Variants in KCNC2 observed in about 807,000 individuals in gnomAD.
KCNC2 encodes potassium voltage-gated channel subfamily C member 2, also known as voltage-gated potassium channel KCNC2.
KCNC2 carries 21 observed loss-of-function variants against 44.5 expected under a neutral mutation model. The ratio of observed to expected loss-of-function variants is 0.47; its 90% confidence interval spans 0.33 to 0.68. The LOEUF is 0.68. Ranked by LOEUF, KCNC2 falls within the 30% of genes least tolerant of loss-of-function variation. KCNC2 has a pLI of 0.01. For synonymous variants in KCNC2, 391 were observed against 339.1 expected (o/e 1.15, Z -1.68); for missense variants, 589 against 826.2 (o/e 0.71, Z 3.52).
At chr12:75,132,639 G>C (rs541887706) in intron 2 of KCNC2, among the ~76,000 whole-genome samples, 83 of 152,122 alleles carry the variant, frequency 5.5e-4, no homozygotes, top group African/African-American at 1.9e-3. Flanking sequence ...TCCTTCTTTG[G>C]CTTTCTCTAG....
intron 2 of KCNC2, among the ~76,000 whole-genome samples, chr12:75,081,238 T>A (rs1406082820): frequency 6.6e-6 from 1 of 152,076 alleles, no homozygotes; most frequent in African/African-American, 2.4e-5. Flanking sequence ...AGTTTATATA[T>A]CAGGGCTCTG....
intron 2 of KCNC2, among the ~76,000 whole-genome samples, chr12:75,173,635 T>G (rs1891983304): frequency 6.6e-6 from 1 of 151,914 alleles, no homozygotes; most frequent in African/African-American, 2.4e-5. Flanking sequence ...TAATTACATG[T>G]CCTTTTGGAA....
chr12:75,175,656 C>G (rs983660884), intron 2 of KCNC2, among the ~76,000 whole-genome samples: 1 of 152,012 alleles, frequency 6.6e-6, no homozygotes, highest in African/African-American at 2.4e-5. Flanking sequence ...AAGTTTGAAA[C>G]AGTAGTCTCT....
intron 2 of KCNC2, among the ~76,000 whole-genome samples, chr12:75,054,314 G>A (rs1057007661): frequency 6.6e-6 from 1 of 151,544 alleles, no homozygotes; most frequent in African/African-American, 2.4e-5. Context: ...TCTAATCTTA[G>A]GATAATAATC....
chr12:75,182,574 C>T (rs903545370), intron 2 of KCNC2, among the ~76,000 whole-genome samples: 4 of 150,020 alleles, frequency 2.7e-5, no homozygotes, highest in Non-Finnish European at 5.9e-5. Context: ...AAAGCACTGA[C>T]TGACTCTATG....
At chr12:75,174,882 T>C (rs1892075083) in intron 2 of KCNC2, among the ~76,000 whole-genome samples, 1 of 151,954 alleles carries the variant, frequency 6.6e-6, no homozygotes, top group South Asian at 2.1e-4. Flanking sequence ...TCTATTTATC[T>C]GACATGGTTG....
chr12:75,040,830 C>T lies in KCNC2; in HGVS notation c.*2275G>A, dbSNP rs1879816881. On this transcript the variant is annotated 3_prime_UTR_variant, in exon 5 of 5. Transcript: ENST00000549446. ...ATTCACAGCACAACCTAATGTGGGC[C>T]CATGAAGAGTAATTCAAAGAAGTGT... 1 of 417,388 alleles carries T rather than the reference C, an allele frequency of 2.4e-6. No homozygotes were observed. Among genetic ancestry groups the T allele is most frequent in the African/African-American group, 2.0e-5 (1 of 50,558 alleles). The allele number at this position is 417,388 out of a possible 1,614,324, so 25.9% of individuals were successfully genotyped here.
At chr12:75,167,411 TA>T (rs1163549117) in intron 2 of KCNC2, among the ~76,000 whole-genome samples, 1 of 151,292 alleles carries the variant, frequency 6.6e-6, no homozygotes, top group Non-Finnish European at 1.5e-5. Context: ...AAATATAAAA[TA>T]AAAGCTTCTT....
At chr12:75,145,651 T>G (rs1172006043) in intron 2 of KCNC2, among the ~76,000 whole-genome samples, 1 of 152,172 alleles carries the variant, frequency 6.6e-6, no homozygotes, top group East Asian at 1.9e-4. Context: ...GGTAATAATT[T>G]AAAACATTTA....
intron 2 of KCNC2, among the ~76,000 whole-genome samples, chr12:75,165,472 A>C (rs1047947287): frequency 6.6e-6 from 1 of 151,582 alleles, no homozygotes; most frequent in African/African-American, 2.4e-5. Context: ...TAATTTATAC[A>C]ATAAGATAAA....
chr12:75,091,597 A>T (rs1348387816), intron 2 of KCNC2, among the ~76,000 whole-genome samples: 15 of 151,750 alleles, frequency 9.9e-5, no homozygotes, highest in Admixed American at 9.9e-4. Context: ...CTCTAATTAG[A>T]AAGTCTTTAC....
chr12:75,155,156 A>G (rs1332980050), intron 2 of KCNC2, among the ~76,000 whole-genome samples: 3 of 152,042 alleles, frequency 2.0e-5, no homozygotes, highest in African/African-American at 7.2e-5. Flanking sequence ...CCATGCCTGC[A>G]GAAATTTTTG....
chr12:75,079,975 TC>T (rs1884338976), intron 2 of KCNC2, among the ~76,000 whole-genome samples: 1 of 152,136 alleles, frequency 6.6e-6, no homozygotes, highest in South Asian at 2.1e-4. Flanking sequence ...AGGAATACCT[TC>T]GATGTTGAAT....
chr12:75,100,323 A>C (rs921805971), intron 2 of KCNC2, among the ~76,000 whole-genome samples: 2 of 152,032 alleles, frequency 1.3e-5, no homozygotes, highest in Non-Finnish European at 2.9e-5. Flanking sequence ...CACAGGGAAA[A>C]TTATATGAAA....
Position 75,160,406 on chromosome 12 carries a change from T to A in KCNC2, c.687+46891A>T, listed in dbSNP as rs549108711. 7.9e-5 allele frequency among the ~76,000 whole-genome samples: 12 copies of A among 151,790 alleles called. No homozygotes were observed. The South Asian group carries it at 2.3e-3, about 29-fold the overall frequency. On this transcript the variant is annotated intron_variant, in intron 2 of 4. Transcript: ENST00000549446. ...GGCACCACTAGCAAACTAATACAGTTAGAAAAAAAAGTATTAGGATTTACT... is the reference window on the plus strand; with the variant it reads ...GGCACCACTAGCAAACTAATACAGTAAGAAAAAAAAGTATTAGGATTTACT...
Position 75,137,064 on chromosome 12 carries a change from C to A in KCNC2, c.687+70233G>T, listed in dbSNP as rs2125420. Among the ~76,000 whole-genome samples, 684 of 152,236 alleles carry A rather than the reference C, an allele frequency of 4.5e-3. 3 individuals carry two copies. The highest frequency in any genetic ancestry group is 0.015 in the African/African-American group (628 of 41,552). ...CTACAATCAGTACCTTTTGAAAATACCTTTGCCAAATCCACCAGTGACCAT... is the reference window on the plus strand; with the variant it reads ...CTACAATCAGTACCTTTTGAAAATAACTTTGCCAAATCCACCAGTGACCAT... On this transcript the variant is annotated intron_variant, in intron 2 of 4. Coordinates refer to ENST00000549446, the MANE Select transcript of KCNC2 (RefSeq NM_139137.4).
intron 3 of KCNC2, among the ~76,000 whole-genome samples, chr12:75,048,788 TA>T (rs1213429409): frequency 6.6e-6 from 1 of 152,142 alleles, no homozygotes; most frequent in Non-Finnish European, 1.5e-5. Context: ...AAACTCTTAA[TA>T]AAAATTATTC....
At position 75,042,027 on chromosome 12, in the gene KCNC2, T is replaced by A. The variant is rs1879962829; in HGVS notation, c.*1078A>T. On this transcript the variant is annotated 3_prime_UTR_variant, in exon 5 of 5. Coordinates refer to ENST00000549446, the MANE Select transcript of KCNC2 (RefSeq NM_139137.4). ...ATTAAACACTGCCTGAAAATCTGATTAATCTTTTGACTCAGGAATTTAAGG... is the reference window on the plus strand; with the variant it reads ...ATTAAACACTGCCTGAAAATCTGATAAATCTTTTGACTCAGGAATTTAAGG... 2 of 1,121,300 alleles carry A rather than the reference T, an allele frequency of 1.8e-6. No homozygotes were observed. Among genetic ancestry groups the A allele is most frequent in the African/African-American group, 3.3e-5 (2 of 61,298 alleles). 69.5% of individuals were successfully genotyped at this position (1,121,300 alleles called of 1,614,324 possible). A position where few individuals can be genotyped will look rare whatever the true frequency, so the allele number is the denominator to read the frequency against.
At chr12:75,058,129 C>G (rs979449750) in intron 2 of KCNC2, among the ~76,000 whole-genome samples, 1 of 151,968 alleles carries the variant, frequency 6.6e-6, no homozygotes, top group African/African-American at 2.4e-5. Flanking sequence ...ATTTTGCTTT[C>G]TTAAGTATCA....
Sources: allele counts gnomAD v4.1 joint callset (sites outside exome capture counted in the v4.1 genomes callset), GRCh38; gene constraint gnomAD v4.1.1; transcripts MANE v1.5; gene names NCBI Gene and HGNC (gene_info 2026-07-23, HGNC 2026-07-21).